The following CCNH variants were observed in gnomAD, a reference collection of about 807,000 sequenced individuals.
The protein encoded by CCNH is cyclin H, also known as cyclin-H.
In CCNH, 31 loss-of-function variants were observed where a neutral mutation model predicts 41.9. The observed-to-expected ratio is 0.74, with a 90% CI of 0.56 to 1.00. The LOEUF (loss-of-function observed/expected upper bound fraction) is 1.00. CCNH is among the 50% of genes least tolerant of loss of function. The pLI, the probability that CCNH is intolerant of heterozygous loss-of-function variation, is 0.00. For missense variants in CCNH, 362 were observed against 388.4 expected (o/e 0.93, Z 0.57); for synonymous variants, 138 against 136.1 (o/e 1.01, Z -0.10).
chr5:87,374,675 C>A (rs543493749), downstream of CCNH, among the ~76,000 whole-genome samples: 242 of 151,090 alleles, frequency 1.6e-3, 2 homozygotes, highest in African/African-American at 5.7e-3. Flanking sequence ...TGCGTGTCTT[C>A]TGTATACCAA....
At chr5:87,347,062 A>G (rs1758918705) in intron 9 of CCNH, among the ~76,000 whole-genome samples, 1 of 151,948 alleles carries the variant, frequency 6.6e-6, no homozygotes, top group African/African-American at 2.4e-5. Context: ...AACATGCAAC[A>G]CACTTTTTTC....
chr5:87,316,615 GGA>G (rs1464620805), downstream of CCNH, among the ~76,000 whole-genome samples: 14 of 152,274 alleles, frequency 9.2e-5, no homozygotes, highest in African/African-American at 3.4e-4. Context: ...TTGAGAACAT[GGA>G]GAGTGGGAGT....
In CCNH at chr5:87,411,227, A is replaced by G; in HGVS notation, c.237T>C (p.Val79=). 1.2e-6 allele frequency: 2 copies of G among 1,611,354 alleles called. No homozygotes were observed. Among genetic ancestry groups the G allele is most frequent in the South Asian group, 1.1e-5 (1 of 90,388 alleles). ...TTTCATCACCACTGTAACTTACCAC[A>G]ACAGATCTTGGCATTGCTGGCTTAA... ...SVFKPAMPRS[V]VGTACMYFKR... is the part of the protein sequence containing the mutation. The change falls in exon 2 of 9, where the codon GTT becomes GTC. Residue 79 remains valine, a synonymous_variant. Coordinates refer to ENST00000256897, the MANE Select transcript of CCNH (RefSeq NM_001239.4).
downstream of CCNH, chr5:87,372,302 G>A: frequency 4.1e-6 from 4 of 982,212 alleles, no homozygotes; most frequent in Non-Finnish European, 6.3e-6. Context: ...ATGGGGTTAA[G>A]CCATGCTGCC....
chr5:87,351,661 A>G (rs1386682662), intron 9 of CCNH, among the ~76,000 whole-genome samples: 3 of 151,796 alleles, frequency 2.0e-5, no homozygotes, highest in Admixed American at 1.3e-4. Context: ...ATGAATGTCT[A>G]GAAAATTCTG....
chr5:87,330,637 G>A (rs1408081327), intron 9 of CCNH, among the ~76,000 whole-genome samples: 1 of 152,144 alleles, frequency 6.6e-6, no homozygotes, highest in Admixed American at 6.5e-5. Context: ...TAGAGTTACA[G>A]CCAGTTTCTT....
In CCNH at chr5:87,412,831, G is replaced by A; in HGVS notation, c.-37C>T. ...GACCAGGTCCAGAGGGTCTGCAGACGAGAACCCAAACGCATCAGCGTCCTG... is the reference window on the plus strand; with the variant it reads ...GACCAGGTCCAGAGGGTCTGCAGACAAGAACCCAAACGCATCAGCGTCCTG... On this transcript the variant is annotated 5_prime_UTR_variant, in exon 1 of 9. Transcript: ENST00000256897. The A allele has an allele frequency of 6.2e-7, 1 of 1,600,798 alleles. No individual in the cohort carries two copies. Among genetic ancestry groups the A allele is most frequent in the Non-Finnish European group, 8.6e-7 (1 of 1,169,508 alleles).
chr5:87,412,596 T>C (rs755803224), intron 1 of CCNH, 82 bp downstream of exon 1: 12 of 1,555,050 alleles, frequency 7.7e-6, no homozygotes, highest in Non-Finnish European at 1.0e-5. Context: ...CGGAGCGAGA[T>C]TGTCCTGGGA....
intron 9 of CCNH, among the ~76,000 whole-genome samples, chr5:87,370,671 T>G (rs1049770891): frequency 2.6e-5 from 4 of 152,132 alleles, no homozygotes; most frequent in African/African-American, 9.7e-5. Flanking sequence ...TAAAAAATTT[T>G]TTTGCTTTCT....
At chr5:87,378,913 G>T (rs1157331511), upstream of CCNH, among the ~76,000 whole-genome samples, 1 of 151,998 alleles carries the variant, frequency 6.6e-6, no homozygotes, top group Non-Finnish European at 1.5e-5. Flanking sequence ...GTTCTTGAAG[G>T]TTTTTTTGCG....
intron 9 of CCNH, among the ~76,000 whole-genome samples, chr5:87,342,624 C>T (rs903407383): frequency 6.6e-6 from 1 of 152,138 alleles, no homozygotes; most frequent in Admixed American, 6.5e-5. Flanking sequence ...TGTGTCCCTA[C>T]TGTCAAAAAA....
At chr5:87,321,446 G>T (rs1459230206) in intron 9 of CCNH, among the ~76,000 whole-genome samples, 1 of 152,150 alleles carries the variant, frequency 6.6e-6, no homozygotes, top group African/African-American at 2.4e-5. Context: ...CCTTCCCACT[G>T]GTTGTAAGTC....
intron 9 of CCNH, chr5:87,338,099 T>C: frequency 6.2e-7 from 1 of 1,611,940 alleles, no homozygotes; most frequent in Non-Finnish European, 8.5e-7. Context: ...GTGGTAAGTT[T>C]TGTTCTTTTC....
At chr5:87,408,746 G>C (rs1303809588) in intron 3 of CCNH, among the ~76,000 whole-genome samples, 1 of 152,178 alleles carries the variant, frequency 6.6e-6, no homozygotes. Context: ...AGTTGGCAGT[G>C]AGATCAAGGG....
At chr5:87,394,974 C>G in intron 8 of CCNH, 70 bp downstream of exon 8, 2 of 1,603,810 alleles carry the variant, frequency 1.2e-6, no homozygotes, top group Non-Finnish European at 1.7e-6. Flanking sequence ...GAGAATAAAT[C>G]TTAACAGTAT....
chr5:87,353,044 C>A, intron 9 of CCNH: 1 of 743,036 alleles, frequency 1.3e-6, no homozygotes, highest in Non-Finnish European at 2.3e-6. Flanking sequence ...GTGTTATGTG[C>A]TTTGAAAAAA....
In CCNH at chr5:87,347,429, G is replaced by A. The variant is rs181098417; in HGVS notation, c.*91-28532C>T. Among the ~76,000 whole-genome samples the A allele has an allele frequency of 6.2e-3, 943 of 151,964 alleles. 2 individuals carry two copies. Among genetic ancestry groups the A allele is most frequent in the Non-Finnish European group, 9.8e-3 (666 of 67,868 alleles). ...TTAAGGCTGAATTAATTTAAATACC[G>A]AGCATTTCTTTGGCAAACCACATCT... On this transcript the variant is annotated intron_variant and NMD_transcript_variant, in intron 9 of 9. Transcript: ENST00000645953.
At position 87,327,315 on chromosome 5, in the gene CCNH, G is replaced by A. The variant is rs185063162; in HGVS notation, c.*91-8418C>T. 3.7e-4 allele frequency among the ~76,000 whole-genome samples: 56 copies of A among 152,136 alleles called. 1 individual carries two copies. Among genetic ancestry groups the A allele is most frequent in the Middle Eastern group, 6.8e-3 (2 of 294 alleles). ...ACAGTGACTCTAGAGTCTTTTAACC[G>A]TTCTACTATAAAGCCTATGTAGTAT... On this transcript the variant is annotated intron_variant and NMD_transcript_variant, in intron 9 of 9. Transcript: ENST00000645953.
At chr5:87,380,426 T>G, upstream of CCNH, 1 of 1,216,950 alleles carries the variant, frequency 8.2e-7, no homozygotes, top group Non-Finnish European at 1.2e-6. Flanking sequence ...TGTGGTATAT[T>G]TGGGTAAATT....
Sources: allele counts gnomAD v4.1 joint callset (sites outside exome capture counted in the v4.1 genomes callset), GRCh38; gene constraint gnomAD v4.1.1; transcripts MANE v1.5; gene names NCBI Gene and HGNC (gene_info 2026-07-23, HGNC 2026-07-21).